CNTN5: variants seen among roughly 807,000 people sequenced by gnomAD.
CNTN5 encodes the protein contactin-5.
Under a neutral mutation model 129.1 loss-of-function variants are expected in CNTN5, and 77 were observed. The observed-to-expected ratio is 0.60, with a 90% confidence interval of 0.50 to 0.72. CNTN5 has a LOEUF of 0.72. Among genes scored for constraint, CNTN5 ranks in the 30% least tolerant of loss-of-function variants. The pLI is 0.00. For missense variants in CNTN5, 1,478 were observed against 1,328.8 expected (o/e 1.11, Z -1.75); for synonymous variants, 509 against 465.6 (o/e 1.09, Z -1.20).
At chr11:99,405,533 A>G (rs1304233373) in intron 2 of CNTN5, among the ~76,000 whole-genome samples, 2 of 151,750 alleles carry the variant, frequency 1.3e-5, no homozygotes, top group Non-Finnish European at 2.9e-5. Flanking sequence ...TTTTTCACCT[A>G]CAGGATTTCT....
At chr11:99,417,590 CCTA>C (rs1007363827) in intron 2 of CNTN5, among the ~76,000 whole-genome samples, 5 of 151,640 alleles carry the variant, frequency 3.3e-5, no homozygotes, top group African/African-American at 7.3e-5. Context: ...CTCAATTATT[CCTA>C]CTATTTTATG....
intron 13 of CNTN5, among the ~76,000 whole-genome samples, chr11:100,134,533 T>C (rs1946467300): frequency 6.6e-6 from 1 of 152,192 alleles, no homozygotes; most frequent in Non-Finnish European, 1.5e-5. Flanking sequence ...ATTATTTTAT[T>C]CCATGTATTT....
At chr11:99,792,538 GGTGT>G (rs111267307) in intron 3 of CNTN5, among the ~76,000 whole-genome samples, 1,503 of 127,788 alleles carry the variant, frequency 0.012, 13 homozygotes, top group East Asian at 0.026. Context: ...CCTGAAGAGG[GGTGT>G]GTGTGTGTGT....
intron 3 of CNTN5, among the ~76,000 whole-genome samples, chr11:99,816,320 T>A (rs1453006228): frequency 2.0e-5 from 3 of 152,182 alleles, no homozygotes; most frequent in African/African-American, 7.2e-5. Flanking sequence ...CTATTCTCAG[T>A]TTCAATAACC....
At chr11:99,112,349 T>C (rs2135385095) in intron 1 of CNTN5, among the ~76,000 whole-genome samples, 1 of 152,152 alleles carries the variant, frequency 6.6e-6, no homozygotes. Context: ...TGTCATAATC[T>C]GAAATACGCT....
intron 13 of CNTN5, among the ~76,000 whole-genome samples, chr11:100,125,919 A>G (rs1440985538): frequency 6.6e-6 from 1 of 151,810 alleles, no homozygotes; most frequent in Non-Finnish European, 1.5e-5. Context: ...AGAGCTTTCT[A>G]TTTTTTGAGG....
chr11:99,317,891 A>T (rs985756342), intron 1 of CNTN5, among the ~76,000 whole-genome samples: 4 of 152,266 alleles, frequency 2.6e-5, no homozygotes, highest in Non-Finnish European at 5.9e-5. Context: ...GTTTTTTACA[A>T]AAGAGTTTGT....
chr11:99,305,932 G>A (rs767199379), intron 1 of CNTN5, among the ~76,000 whole-genome samples: 17 of 151,732 alleles, frequency 1.1e-4, no homozygotes, highest in Admixed American at 6.6e-5. Context: ...AGGGAGCCGA[G>A]ATCTCGTCTC....
At chr11:100,200,969 A>G (rs1395147908) in intron 15 of CNTN5, among the ~76,000 whole-genome samples, 2 of 151,934 alleles carry the variant, frequency 1.3e-5, no homozygotes, top group African/African-American at 2.4e-5. Context: ...CTAGTTTTTA[A>G]TAATCCTATA....
chr11:99,900,022 A>AAGGTC (rs1949312111), intron 6 of CNTN5, among the ~76,000 whole-genome samples: 2 of 151,606 alleles, frequency 1.3e-5, no homozygotes, highest in African/African-American at 2.4e-5. Context: ...TGCGTTCATA[A>AAGGTC]AGGTCATCAT....
At position 100,341,197 on chromosome 11, in the gene CNTN5, G is replaced by T. The variant is rs1264278140; in HGVS notation, c.3022G>T (p.Gly1008Cys). 1 of 1,609,968 alleles carries T rather than the reference G, an allele frequency of 6.2e-7. No homozygotes were observed. The highest frequency in any genetic ancestry group is 8.5e-7 in the Non-Finnish European group (1 of 1,176,362). The change falls in exon 23 of 25, where the codon GGT (glycine) becomes TGT (cysteine). Residue 1008 changes from glycine (G) to cysteine (C), a missense_variant. Physicochemically the swap from Gly to Cys is radical, Grantham distance 159. Coordinates refer to ENST00000524871, the MANE Select transcript of CNTN5 (RefSeq NM_014361.4). ...ATTAGCCAACGAATCTGAAGTTGTG[G>T]GTTACAAGGTCAGTATTTCTTCACT... ...IPLANESEVVGYKVFYRQEGH... is the reference protein window; with the variant it reads ...IPLANESEVVCYKVFYRQEGH...
At chr11:99,112,313 A>G (rs574040822) in intron 1 of CNTN5, among the ~76,000 whole-genome samples, 131 of 152,142 alleles carry the variant, frequency 8.6e-4, no homozygotes, top group African/African-American at 3.1e-3. Context: ...AAAATAAATA[A>G]GGGATTCTTA....
intron 1 of CNTN5, among the ~76,000 whole-genome samples, chr11:99,105,418 C>T (rs1238331891): frequency 6.6e-6 from 1 of 152,092 alleles, no homozygotes; most frequent in Non-Finnish European, 1.5e-5. Context: ...GTACTAACTA[C>T]CATAAATGTT....
At chr11:99,490,413 G>C (rs775104746) in intron 2 of CNTN5, among the ~76,000 whole-genome samples, 1 of 152,148 alleles carries the variant, frequency 6.6e-6, no homozygotes, top group Non-Finnish European at 1.5e-5. Context: ...TGACCATAAA[G>C]TCCATACATA....
At chr11:100,263,983 G>A (rs1051115087) in intron 17 of CNTN5, among the ~76,000 whole-genome samples, 4 of 152,040 alleles carry the variant, frequency 2.6e-5, no homozygotes, top group Non-Finnish European at 4.4e-5. Context: ...CTACATCCAT[G>A]CTTCGCTAGT....
chr11:100,001,392 T>C (rs545735476), intron 8 of CNTN5, among the ~76,000 whole-genome samples: 1 of 152,292 alleles, frequency 6.6e-6, no homozygotes, highest in South Asian at 2.1e-4. Context: ...CATACGCAGA[T>C]TACAATTTGA....
At chr11:99,627,701 G>A (rs1268282270) in intron 3 of CNTN5, among the ~76,000 whole-genome samples, 1 of 151,874 alleles carries the variant, frequency 6.6e-6, no homozygotes, top group Non-Finnish European at 1.5e-5. Flanking sequence ...TAAAAATGTA[G>A]TTGGAGGCCA....
At chr11:100,308,826 C>A (rs1052602926) in intron 21 of CNTN5, 2 of 986,992 alleles carry the variant, frequency 2.0e-6, no homozygotes, top group Admixed American at 5.9e-5. Flanking sequence ...ACAAGTTTTC[C>A]TTTTGTACTT....
chr11:99,519,722 C>T (rs983984762), intron 2 of CNTN5, among the ~76,000 whole-genome samples: 4 of 152,004 alleles, frequency 2.6e-5, no homozygotes, highest in African/African-American at 9.7e-5. Flanking sequence ...TAAAAATATA[C>T]ATTTCACATT....
Sources: allele counts gnomAD v4.1 joint callset (sites outside exome capture counted in the v4.1 genomes callset), GRCh38; gene constraint gnomAD v4.1.1; transcripts MANE v1.5; gene names NCBI Gene and HGNC (gene_info 2026-07-23, HGNC 2026-07-21).